Variants in SLC23A2 observed in about 807,000 individuals in gnomAD.
SLC23A2 encodes Na(+)/L-ascorbic acid transporter 2.
Under a neutral mutation model 73.3 loss-of-function variants are expected in SLC23A2, and 36 were observed. The ratio of observed to expected loss-of-function variants is 0.49; its 90% CI spans 0.38 to 0.65. The LOEUF (loss-of-function observed/expected upper bound fraction) is 0.65, where lower values mean the gene tolerates loss of function less well. Among genes scored for constraint, SLC23A2 ranks in the 30% least tolerant of loss-of-function variants. The pLI is 0.00. For missense variants in SLC23A2, 507 were observed against 841.6 expected (o/e 0.60, Z 4.92); for synonymous variants, 343 against 327.3 (o/e 1.05, Z -0.52).
At chr20:4,953,021 A>G (rs1250350564) in intron 2 of SLC23A2, among the ~76,000 whole-genome samples, 1 of 148,762 alleles carries the variant, frequency 6.7e-6, no homozygotes, top group Admixed American at 6.7e-5. Context: ...AGACTCAAAA[A>G]AAAAGGCCTG....
At chr20:4,944,213 T>G (rs1020956601) in intron 2 of SLC23A2, among the ~76,000 whole-genome samples, 1 of 152,204 alleles carries the variant, frequency 6.6e-6, no homozygotes. Context: ...CCTATAGACC[T>G]ACCTTGGGGG....
chr20:4,898,072 G>T (rs1008193802), intron 6 of SLC23A2, among the ~76,000 whole-genome samples: 1 of 152,204 alleles, frequency 6.6e-6, no homozygotes, highest in Non-Finnish European at 1.5e-5. Context: ...CCCAAAGAAT[G>T]AAAGAGGGTG....
chr20:4,881,402 T>G (rs1930878114), intron 9 of SLC23A2, among the ~76,000 whole-genome samples: 1 of 152,174 alleles, frequency 6.6e-6, no homozygotes, highest in Non-Finnish European at 1.5e-5. Flanking sequence ...CCCCCATACT[T>G]AGAGATAAGA....
intron 6 of SLC23A2, among the ~76,000 whole-genome samples, chr20:4,896,023 G>C (rs371678389): frequency 6.6e-6 from 1 of 152,134 alleles, no homozygotes; most frequent in African/African-American, 2.4e-5. Context: ...GCCTGGCCTC[G>C]TCTGGCCTAG....
chr20:4,962,307 A>C (rs949345510), intron 2 of SLC23A2, among the ~76,000 whole-genome samples: 3 of 152,050 alleles, frequency 2.0e-5, no homozygotes, highest in Non-Finnish European at 4.4e-5. Flanking sequence ...CAAGTTCTGG[A>C]GACAGCTCAG....
rs369765560 is a variant in SLC23A2 at position 4,862,729 on chromosome 20, A to G, written c.1486+49T>C. The G allele has an allele frequency of 1.9e-6, 3 of 1,565,592 alleles. No homozygotes were observed. The highest frequency in any genetic ancestry group is 2.7e-5 in the African/African-American group (2 of 73,706). On this transcript the variant is annotated intron_variant, in intron 14 of 16. Transcript: ENST00000338244. This position sits in a 1 kb window ranked among gnomAD's most constrained non-coding sequence, Gnocchi z 5.1. The stretch of plus-strand genomic sequence containing the variant: ...AGTCAGCAAAAACACCATGACCCCT[A>G]TTAAAAATTTGGAAAAGTAAAGGAA...
chr20:4,882,589 C>T (rs906721500), intron 9 of SLC23A2, among the ~76,000 whole-genome samples: 1 of 152,056 alleles, frequency 6.6e-6, no homozygotes, highest in African/African-American at 2.4e-5. Flanking sequence ...ATGATGGGTT[C>T]GGGCCCATGT....
At chr20:5,003,416 C>G (rs113609471), upstream of SLC23A2, among the ~76,000 whole-genome samples, 2,233 of 152,066 alleles carry the variant, frequency 0.015, 47 homozygotes, top group African/African-American at 0.051. Context: ...AAAACAACAA[C>G]AACAAAAATG....
chr20:4,985,135 C>CAA lies in SLC23A2; in HGVS notation c.-281-14217_-281-14216insTT, dbSNP rs1464396367. Among the ~76,000 whole-genome samples, 240 of 65,416 alleles carry CAA rather than the reference C, an allele frequency of 3.7e-3. 6 individuals carry two copies. In the South Asian group the frequency reaches 0.1, roughly 28 times the overall value. The allele number at this position is 65,416 out of a possible 152,430, so 42.9% of individuals were successfully genotyped here. On this transcript the variant is annotated intron_variant, in intron 1 of 16. Coordinates refer to ENST00000338244, the MANE Select transcript of SLC23A2 (RefSeq NM_005116.6). ...CTGGTGACAGAGCAAGACTCCGTCT[C>CAA]CAAAAAAAAAAAAAAAAAAAGTTAA...
chr20:4,867,563 G>C (rs1391799649), intron 13 of SLC23A2, among the ~76,000 whole-genome samples: 1 of 148,374 alleles, frequency 6.7e-6, no homozygotes, highest in East Asian at 2.0e-4. Flanking sequence ...TGACAGCACT[G>C]AGTGCCTCCC....
intron 2 of SLC23A2, among the ~76,000 whole-genome samples, chr20:4,944,326 A>G (rs2087084654): frequency 1.3e-5 from 2 of 151,698 alleles, no homozygotes; most frequent in Admixed American, 6.6e-5. Context: ...TGCAACCTCC[A>G]CCTCCCGGGT....
At chr20:5,008,393 C>T (rs895109285) in intron 1 of SLC23A2, among the ~76,000 whole-genome samples, 5 of 152,116 alleles carry the variant, frequency 3.3e-5, no homozygotes, top group African/African-American at 1.2e-4. Flanking sequence ...GACACAAAAG[C>T]ACACTGGTGG....
At chr20:4,928,979 C>T (rs1932754898) in intron 3 of SLC23A2, among the ~76,000 whole-genome samples, 1 of 152,188 alleles carries the variant, frequency 6.6e-6, no homozygotes, top group African/African-American at 2.4e-5. Context: ...GGGCTGGGCA[C>T]GGTGGCTCAC....
chr20:4,972,942 A>G (rs1442295784), intron 1 of SLC23A2, among the ~76,000 whole-genome samples: 1 of 152,230 alleles, frequency 6.6e-6, no homozygotes, highest in Non-Finnish European at 1.5e-5. Flanking sequence ...GGTGACATCC[A>G]TCAATGTCTA....
At chr20:4,954,045 T>C (rs1003862000) in intron 2 of SLC23A2, among the ~76,000 whole-genome samples, 1 of 152,178 alleles carries the variant, frequency 6.6e-6, no homozygotes, top group Non-Finnish European at 1.5e-5. Flanking sequence ...TCATTTTACA[T>C]TGCTAAAGGA....
intron 2 of SLC23A2, among the ~76,000 whole-genome samples, chr20:4,949,388 C>T (rs576808024): frequency 1.3e-5 from 2 of 151,766 alleles, no homozygotes; most frequent in African/African-American, 2.4e-5. Context: ...TTACTTACAT[C>T]GTTTTTACTT....
intron 9 of SLC23A2, among the ~76,000 whole-genome samples, chr20:4,877,542 A>G (rs1930707458): frequency 1.3e-5 from 2 of 152,190 alleles, no homozygotes; most frequent in African/African-American, 4.8e-5. Context: ...TAAGGATAAA[A>G]ACAAAATTTT....
chr20:4,941,825 A>G (rs934951600), intron 2 of SLC23A2, among the ~76,000 whole-genome samples: 2 of 152,218 alleles, frequency 1.3e-5, no homozygotes, highest in African/African-American at 4.8e-5. Flanking sequence ...AAGTTATTTC[A>G]TAAGTGAAAA....
intron 9 of SLC23A2, 110 bp from the exon 10 acceptor site, chr20:4,874,806 A>AT: frequency 1.2e-6 from 1 of 863,740 alleles, no homozygotes; most frequent in Non-Finnish European, 1.7e-6. Context: ...TCATTTACCT[A>AT]GAAAGCTGCT....
Sources: allele counts gnomAD v4.1 joint callset (sites outside exome capture counted in the v4.1 genomes callset), GRCh38; gene constraint gnomAD v4.1.1; non-coding constraint Gnocchi (gnomAD v3.1); transcripts MANE v1.5; gene names NCBI Gene and HGNC (gene_info 2026-07-23, HGNC 2026-07-21).